P2RY14: variants seen among roughly 807,000 people sequenced by gnomAD.
P2RY14 encodes the protein purinergic receptor P2Y14.
Under a neutral mutation model 0.9 loss-of-function variants are expected in P2RY14, and 2 were observed. The ratio of observed to expected loss-of-function variants is 2.16; its 90% CI spans 0.88 to 6.79. The LOEUF is 6.79. P2RY14 is among the 30% of genes most tolerant of loss of function. The pLI is 0.05. For missense variants in P2RY14, 378 were observed against 400.1 expected (o/e 0.94, Z 0.47); for synonymous variants, 158 against 147.2 (o/e 1.07, Z -0.53).
chr3:151,239,895 A>G (rs73869165), intron 1 of P2RY14, among the ~76,000 whole-genome samples: 4,007 of 152,362 alleles, frequency 0.026, 162 homozygotes, highest in African/African-American at 0.092. Context: ...ATTTAAAAAT[A>G]TATGAAACTT....
intron 1 of P2RY14, among the ~76,000 whole-genome samples, chr3:151,242,488 C>T (rs1439561167): frequency 6.6e-6 from 1 of 152,158 alleles, no homozygotes; most frequent in Non-Finnish European, 1.5e-5. Context: ...AACTGGGAGG[C>T]ACCCCCCAGC....
intron 1 of P2RY14, among the ~76,000 whole-genome samples, chr3:151,247,962 CTTTTTT>C (rs61102632): frequency 5.7e-4 from 43 of 75,908 alleles, no homozygotes; most frequent in South Asian, 2.0e-3. Context: ...TCTTCTTCTT[CTTTTTT>C]TTTTTTTTTT....
chr3:151,217,115 T>A, intron 2 of P2RY14, among the ~76,000 whole-genome samples: 1 of 152,174 alleles, frequency 6.6e-6, no homozygotes, highest in South Asian at 2.1e-4. Flanking sequence ...TAATATATAG[T>A]TATATGGTGA....
intron 1 of P2RY14, among the ~76,000 whole-genome samples, chr3:151,263,794 G>C (rs1329325075): frequency 6.6e-6 from 1 of 152,056 alleles, no homozygotes; most frequent in African/African-American, 2.4e-5. Flanking sequence ...TGTGACTCTT[G>C]GTAAAATACC....
At chr3:151,253,691 C>T (rs1737264476) in intron 1 of P2RY14, among the ~76,000 whole-genome samples, 1 of 151,974 alleles carries the variant, frequency 6.6e-6, no homozygotes, top group African/African-American at 2.4e-5. Flanking sequence ...GATGTTGCCC[C>T]AGTCTCATTC....
At chr3:151,251,519 T>A (rs1272828352) in intron 1 of P2RY14, among the ~76,000 whole-genome samples, 1 of 152,134 alleles carries the variant, frequency 6.6e-6, no homozygotes, top group East Asian at 1.9e-4. Context: ...GAGGAATCCC[T>A]CTAAAATACA....
chr3:151,219,485 G>A (rs372772428), intron 2 of P2RY14, 50 bp downstream of exon 2: 35 of 152,182 alleles, frequency 2.3e-4, no homozygotes, highest in African/African-American at 7.9e-4. Context: ...ATAGCACTTC[G>A]ATGAAATTAA....
In P2RY14 at chr3:151,214,000, T is replaced by C; in HGVS notation, c.317A>G (p.Tyr106Cys). The C allele has an allele frequency of 6.2e-7, 1 of 1,614,048 alleles. No individual in the cohort carries two copies. The highest frequency in any genetic ancestry group is 8.5e-7 in the Non-Finnish European group (1 of 1,179,962). ...VSAVLFYVNM[Y>C]VSIVFFGLIS... ...GAGCCCAAAGAACACAATGCTGACG[T>C]ACATGTTGACGTAGAAGAGCACGGC... The change falls in exon 3 of 3, where the codon TAC (tyrosine) becomes TGC (cysteine). Residue 106 changes from tyrosine (Y) to cysteine (C), a missense_variant. By Grantham distance (194) the Tyr-to-Cys change is radical (BLOSUM62 -2). Transcript: ENST00000309170.
intron 1 of P2RY14, among the ~76,000 whole-genome samples, chr3:151,240,812 T>G (rs998271212): frequency 2.6e-5 from 4 of 152,252 alleles, no homozygotes; most frequent in Admixed American, 6.5e-5. Flanking sequence ...GGTCATTTCC[T>G]TAGGTCAGAG....
chr3:151,232,266 G>A (rs4679772), intron 1 of P2RY14, among the ~76,000 whole-genome samples: 67,848 of 152,074 alleles, frequency 0.45, 15,949 homozygotes, highest in East Asian at 0.6. Flanking sequence ...AGCAATCACA[G>A]TGTTGCTTTC....
chr3:151,256,864 T>A (rs1016703130), intron 1 of P2RY14, among the ~76,000 whole-genome samples: 5 of 145,920 alleles, frequency 3.4e-5, no homozygotes, highest in African/African-American at 1.3e-4. Context: ...TTTTTTGTTG[T>A]TTTTTTTTTT....
At chr3:151,224,939 T>C (rs781360673) in intron 1 of P2RY14, among the ~76,000 whole-genome samples, 23 of 152,234 alleles carry the variant, frequency 1.5e-4, no homozygotes, top group South Asian at 4.1e-4. Context: ...CATCAGAACA[T>C]GCTTATTACA....
chr3:151,254,072 TA>T (rs1394436176), intron 1 of P2RY14, among the ~76,000 whole-genome samples: 1 of 151,870 alleles, frequency 6.6e-6, no homozygotes, highest in Non-Finnish European at 1.5e-5. Context: ...AGAAACAATT[TA>T]AAAAAACATA....
At position 151,212,680 on chromosome 3, in the gene P2RY14, A is replaced by G. The variant is rs955131074; in HGVS notation, c.*620T>C. On this transcript the variant is annotated 3_prime_UTR_variant, in exon 3 of 3. Coordinates refer to ENST00000309170, the MANE Select transcript of P2RY14 (RefSeq NM_014879.4). ...AATATCCTCAAAGTGCTATCAGAAAAAAAAAATTTTCTTGCTAAGTATACA... is the reference window on the plus strand; with the variant it reads ...AATATCCTCAAAGTGCTATCAGAAAGAAAAAATTTTCTTGCTAAGTATACA... 1 of 152,144 alleles carries G rather than the reference A, an allele frequency of 6.6e-6. No homozygotes were observed. 9.4% of individuals were successfully genotyped at this position (152,144 alleles called of 1,614,324 possible). A position where few individuals can be genotyped will look rare whatever the true frequency, so the allele number is the denominator to read the frequency against.
At chr3:151,260,966 G>A (rs540518881) in intron 1 of P2RY14, among the ~76,000 whole-genome samples, 1 of 151,636 alleles carries the variant, frequency 6.6e-6, no homozygotes, top group South Asian at 2.1e-4. Flanking sequence ...TTTCCTTGAT[G>A]GTGTGGATGT....
At chr3:151,276,968 C>T (rs1453709418) in intron 1 of P2RY14, among the ~76,000 whole-genome samples, 3 of 152,176 alleles carry the variant, frequency 2.0e-5, no homozygotes, top group Non-Finnish European at 4.4e-5. Context: ...CCGATCTCAG[C>T]TCACCACAAC....
chr3:151,230,542 G>GCCAGGACT (rs1190574954), intron 1 of P2RY14, among the ~76,000 whole-genome samples: 1 of 150,262 alleles, frequency 6.7e-6, no homozygotes, highest in East Asian at 1.9e-4. Flanking sequence ...TGTGAAACGT[G>GCCAGGACT]CCAGGACTAG....
chr3:151,219,534 C>A lies in P2RY14; in HGVS notation c.-25+1G>T, dbSNP rs1015471727. The A allele has an allele frequency of 6.6e-6, 1 of 152,104 alleles. No individual in the cohort carries two copies. 9.4% of individuals were successfully genotyped at this position (152,104 alleles called of 1,614,324 possible). On this transcript the variant is annotated splice_donor_variant, in intron 2 of 2. Coordinates refer to ENST00000309170, the MANE Select transcript of P2RY14 (RefSeq NM_014879.4). LOFTEE classifies it low-confidence loss of function (5UTR_SPLICE). ...AATACTTGAGGGATTTAAAAAATTA[C>A]CTTTTAAGATTTTTTTTGCATAATA... is the stretch of plus-strand genomic sequence containing the variant.
At chr3:151,223,463 G>A (rs1348992426) in intron 1 of P2RY14, among the ~76,000 whole-genome samples, 1 of 152,180 alleles carries the variant, frequency 6.6e-6, no homozygotes, top group South Asian at 2.1e-4. Context: ...ATGATGGATT[G>A]GATGAAGAAA....
Sources: allele counts gnomAD v4.1 joint callset (sites outside exome capture counted in the v4.1 genomes callset), GRCh38; gene constraint gnomAD v4.1.1; transcripts MANE v1.5; gene names NCBI Gene and HGNC (gene_info 2026-07-23, HGNC 2026-07-21).